ALK: variants seen among roughly 807,000 people sequenced by gnomAD.
ALK encodes the protein ALK tyrosine kinase receptor.
In ALK, 74 loss-of-function variants were observed where a neutral mutation model predicts 163.1. The ratio of observed to expected loss-of-function variants is 0.45; its 90% CI spans 0.38 to 0.55. ALK has a LOEUF of 0.55. Ranked by LOEUF, ALK falls within the 20% of genes least tolerant of loss-of-function variation. ALK has a pLI of 0.00. For synonymous variants in ALK, 960 were observed against 843.2 expected (o/e 1.14, Z -2.40); for missense variants, 2,063 against 2,105.3 (o/e 0.98, Z 0.39).
chr2:29,739,556 T>TC (rs1679993453), intron 1 of ALK, among the ~76,000 whole-genome samples: 1 of 131,600 alleles, frequency 7.6e-6, no homozygotes, highest in Admixed American at 7.7e-5. Flanking sequence ...TGAATCTGTC[T>TC]CAAAAAAAAA....
At position 29,358,516 on chromosome 2, in the gene ALK, C is replaced by G. The variant is rs531729726; in HGVS notation, c.1282+25216G>C. Among the ~76,000 whole-genome samples the G allele has an allele frequency of 6.6e-5, 10 of 152,316 alleles. No individual in the cohort carries two copies. The South Asian group carries it at 1.9e-3, about 28-fold the overall frequency. On this transcript the variant is annotated intron_variant, in intron 5 of 28. Coordinates refer to ENST00000389048, the MANE Select transcript of ALK (RefSeq NM_004304.5). Reference sequence around the variant, plus strand: ...TGTCTCCAAATAAGAACAAAAGTTTCCCAGCATGTGGCCCCCAGGAAGCAG... The same window carrying G: ...TGTCTCCAAATAAGAACAAAAGTTTGCCAGCATGTGGCCCCCAGGAAGCAG...
chr2:29,290,025 C>T (rs980297630), intron 9 of ALK, among the ~76,000 whole-genome samples: 3 of 152,208 alleles, frequency 2.0e-5, no homozygotes, highest in Non-Finnish European at 4.4e-5. Context: ...TGGGTGTGCC[C>T]ATCACCTGGC....
At chr2:29,758,514 C>G (rs533959170) in intron 1 of ALK, among the ~76,000 whole-genome samples, 4 of 152,156 alleles carry the variant, frequency 2.6e-5, no homozygotes, top group Non-Finnish European at 5.9e-5. Context: ...TGGGATGTAT[C>G]AGAGATGAAC....
chr2:29,412,426 C>A lies in ALK; in HGVS notation c.1155-28567G>T, dbSNP rs147160806. ...GCCAGATCATGAAGGGTTTCCAGCTCTAGTCTGCACCATTGCTTCCAAGCA... is the reference window on the plus strand; with the variant it reads ...GCCAGATCATGAAGGGTTTCCAGCTATAGTCTGCACCATTGCTTCCAAGCA... On this transcript the variant is annotated intron_variant, in intron 4 of 28. Transcript: ENST00000389048. Among the ~76,000 whole-genome samples the A allele has an allele frequency of 3.3e-3, 498 of 152,284 alleles. 3 individuals are homozygous for A. Among genetic ancestry groups the A allele is most frequent in the African/African-American group, 0.011 (439 of 41,556 alleles).
intron 1 of ALK, among the ~76,000 whole-genome samples, chr2:29,911,743 A>G (rs1025434184): frequency 6.6e-6 from 1 of 152,344 alleles, no homozygotes; most frequent in African/African-American, 2.4e-5. Context: ...TTTGCAGGAT[A>G]CAATCTCAAA....
chr2:29,671,767 G>A lies in ALK; in HGVS notation c.952+23083C>T, dbSNP rs895279101. Among the ~76,000 whole-genome samples the A allele has an allele frequency of 1.5e-4, 23 of 152,026 alleles. 1 individual carries two copies. The highest frequency in any genetic ancestry group is 2.9e-4 in the Non-Finnish European group (20 of 67,970). The stretch of plus-strand genomic sequence containing the variant: ...TGTTTGAATTTCAAGTGTTGCTAGT[G>A]AAAATCTCAGTGCTTTGGTTTTGAT... On this transcript the variant is annotated intron_variant, in intron 3 of 28. Coordinates refer to ENST00000389048, the MANE Select transcript of ALK (RefSeq NM_004304.5).
chr2:29,504,853 C>T lies in ALK; in HGVS notation c.1154+27062G>A, dbSNP rs6724436. ...TTGCGGTTTTTGCCATTACTTCCAACGGGAAAAACCACAATTACCTTTGCA... is the reference window on the plus strand; with the variant it reads ...TTGCGGTTTTTGCCATTACTTCCAATGGGAAAAACCACAATTACCTTTGCA... On this transcript the variant is annotated intron_variant, in intron 4 of 28. Coordinates refer to ENST00000389048, the MANE Select transcript of ALK (RefSeq NM_004304.5). 1.3e-3 allele frequency among the ~76,000 whole-genome samples: 199 copies of T among 152,008 alleles called. No homozygotes were observed. In the Middle Eastern group the frequency reaches 0.014, roughly 10 times the overall value.
intron 12 of ALK, among the ~76,000 whole-genome samples, chr2:29,243,934 C>CT (rs1664588282): frequency 1.3e-5 from 2 of 152,184 alleles, no homozygotes; most frequent in South Asian, 4.1e-4. Flanking sequence ...TCCATGTCCC[C>CT]TGGTCAGAAG....
intron 3 of ALK, among the ~76,000 whole-genome samples, chr2:29,637,193 C>T (rs1676559652): frequency 6.6e-6 from 1 of 151,870 alleles, no homozygotes; most frequent in Non-Finnish European, 1.5e-5. Context: ...CATGTTCCTC[C>T]ATGGATGTAT....
chr2:29,640,427 C>T (rs114806377), intron 3 of ALK, among the ~76,000 whole-genome samples: 2,144 of 152,198 alleles, frequency 0.014, 55 homozygotes, highest in African/African-American at 0.048. Flanking sequence ...CTACTTCCTA[C>T]GATCTGTCTC....
chr2:29,778,952 G>C (rs546923109), intron 1 of ALK, among the ~76,000 whole-genome samples: 1 of 151,866 alleles, frequency 6.6e-6, no homozygotes, highest in Non-Finnish European at 1.5e-5. Context: ...TCAGGAGATC[G>C]AGACCATCCT....
intron 1 of ALK, among the ~76,000 whole-genome samples, chr2:29,918,667 C>T (rs1018717134): frequency 3.3e-5 from 5 of 152,196 alleles, no homozygotes; most frequent in African/African-American, 9.7e-5. Flanking sequence ...TAGGGAACCT[C>T]AGCTTCTGAA....
At chr2:29,327,871 A>G (rs1218286877) in intron 6 of ALK, among the ~76,000 whole-genome samples, 1 of 152,134 alleles carries the variant, frequency 6.6e-6, no homozygotes, top group Non-Finnish European at 1.5e-5. Context: ...CGAGTCTTGA[A>G]GTAGATGTGA....
intron 4 of ALK, among the ~76,000 whole-genome samples, chr2:29,461,660 G>C (rs566714900): frequency 6.6e-6 from 1 of 152,232 alleles, no homozygotes; most frequent in South Asian, 2.1e-4. Context: ...TTAAAAATAT[G>C]CTTGTTGACA....
At chr2:29,407,210 T>G (rs144110902) in intron 4 of ALK, among the ~76,000 whole-genome samples, 6 of 152,378 alleles carry the variant, frequency 3.9e-5, no homozygotes, top group African/African-American at 1.4e-4. Context: ...GAGCATGTTT[T>G]CTGCCAGGTT....
chr2:29,272,229 C>A (rs924884017), intron 11 of ALK, among the ~76,000 whole-genome samples: 8 of 148,236 alleles, frequency 5.4e-5, no homozygotes, highest in Admixed American at 4.7e-4. Flanking sequence ...GGCTCTGCAG[C>A]CCCGTGGTCA....
At chr2:29,918,345 A>T (rs760612593) in intron 1 of ALK, among the ~76,000 whole-genome samples, 1 of 152,234 alleles carries the variant, frequency 6.6e-6, no homozygotes, top group Admixed American at 6.5e-5. Context: ...TCATTTTTAT[A>T]TCCATTACTA....
chr2:29,863,219 A>T (rs1666340752), intron 1 of ALK, among the ~76,000 whole-genome samples: 1 of 152,208 alleles, frequency 6.6e-6, no homozygotes, highest in Admixed American at 6.5e-5. Flanking sequence ...GTTTTCTTGG[A>T]TATAACTTCC....
At chr2:29,326,995 C>T (rs748797013) in intron 6 of ALK, among the ~76,000 whole-genome samples, 14 of 152,188 alleles carry the variant, frequency 9.2e-5, no homozygotes, top group Non-Finnish European at 1.6e-4. Flanking sequence ...GTGAAGCTTT[C>T]AGTGCTTTGA....
Sources: gnomAD v4.1 joint callset for allele counts (sites outside exome capture counted in the v4.1 genomes callset) on GRCh38, gnomAD v4.1.1 for gene constraint, MANE v1.5 for transcripts, NCBI Gene and HGNC (gene_info 2026-07-23, HGNC 2026-07-21) for gene names.